Variants in MSL3 observed in about 807,000 individuals in gnomAD.
MSL3 encodes the protein MSL complex subunit 3, also known as MSL3-like 1.
A neutral mutation model predicts 37.2 loss-of-function variants in MSL3; 5 were observed. That is an observed-to-expected ratio of 0.13 (90% CI 0.07 to 0.28). The LOEUF is 0.28. MSL3 is among the 10% of genes least tolerant of loss of function. MSL3 has a pLI of 1.00. For missense variants in MSL3, 315 were observed against 408.5 expected, an observed-to-expected ratio of 0.77 and a Z score of 1.97; for synonymous variants, 149 against 147.6, an observed-to-expected ratio of 1.01 and a Z score of -0.07.
At chrX:11,765,895 G>T (rs2053178208) in intron 9 of MSL3, 166 bp downstream of exon 9, 2 of 1,110,799 alleles carry the variant, frequency 1.8e-6, no homozygotes, top group African/African-American at 3.7e-5. Context: ...GTAGAAAGTT[G>T]AAACACCTGG....
intron 7 of MSL3, among the ~76,000 whole-genome samples, chrX:11,763,247 T>A (rs2053148932): frequency 8.8e-6 from 1 of 113,115 alleles, no homozygotes; most frequent in Admixed American, 9.3e-5. Context: ...ACTGAGACAG[T>A]TTTTTCAGTG....
chrX:11,775,048 A>G lies in MSL3; in HGVS notation c.1535A>G (p.Tyr512Cys), dbSNP rs1454268338. 2.5e-6 allele frequency: 3 copies of G among 1,208,144 alleles called. No homozygotes were observed. The highest frequency in any genetic ancestry group is 3.4e-6 in the Non-Finnish European group (3 of 892,567). ...SAYVAACEAH[Y>C]STKNPRAIY ...TATGTCGCTGCCTGTGAGGCACATT[A>G]CAGCACCAAGAACCCCCGGGCAATT... The change falls in exon 13 of 13, where the codon TAC becomes TGC. Residue 512 changes from tyrosine to cysteine, a missense_variant. Tyr to Cys is a radical substitution (Grantham distance 194). Transcript: ENST00000312196.
intron 3 of MSL3, 33 bp from the exon 4 acceptor site, chrX:11,760,804 A>T (rs778282766): frequency 9.0e-7 from 1 of 1,111,839 alleles, no homozygotes; most frequent in Non-Finnish European, 1.2e-6. Context: ...TCAATGTCAA[A>T]ACTTATTTCA....
chrX:11,759,211 C>T (rs761822344), intron 1 of MSL3, among the ~76,000 whole-genome samples: 1 of 112,381 alleles, frequency 8.9e-6, no homozygotes, highest in Non-Finnish European at 1.9e-5. Flanking sequence ...GTCTGGACAG[C>T]TCTGTCCATT....
At chrX:11,760,303 T>A in intron 2 of MSL3, 100 bp from the exon 3 acceptor site, 1 of 549,272 alleles carries the variant, frequency 1.8e-6, no homozygotes, top group Non-Finnish European at 2.9e-6. Context: ...AATCGTTTTC[T>A]AAAAATGTAA....
chrX:11,767,220 G>A, intron 9 of MSL3: 1 of 754,659 alleles, frequency 1.3e-6, no homozygotes, highest in Non-Finnish European at 1.6e-6. Flanking sequence ...GCTCAGAAGG[G>A]CAGAGTTGAA....
At chrX:11,765,999 A>G (rs2053179402) in intron 9 of MSL3, 1 of 1,005,111 alleles carries the variant, frequency 9.9e-7, no homozygotes, top group East Asian at 3.5e-5. Context: ...GAGCAAATTG[A>G]GTTATCAGAA....
chrX:11,767,317 T>C (rs962647051), intron 9 of MSL3: 1 of 712,433 alleles, frequency 1.4e-6, no homozygotes, highest in Non-Finnish European at 1.7e-6. Context: ...GATTGAGATA[T>C]AATCCACATA....
chrX:11,760,632 G>A (rs956092648), intron 3 of MSL3, 134 bp downstream of exon 3: 3 of 500,512 alleles, frequency 6.0e-6, no homozygotes, highest in African/African-American at 5.2e-5. Context: ...AAGTGTGTAA[G>A]GGGAAGAGTG....
At position 11,759,536 on chromosome X, in the gene MSL3, G is replaced by A. The variant is rs978875291; in HGVS notation, c.103-257G>A. Reference sequence around the variant, plus strand: ...TGGAGTCTCTCCTTAGTGACAAATCGGCTGGCCAATGGCTTCAGAAGCCTC... The same window carrying A: ...TGGAGTCTCTCCTTAGTGACAAATCAGCTGGCCAATGGCTTCAGAAGCCTC... On this transcript the variant is annotated intron_variant, in intron 1 of 12. Coordinates refer to ENST00000312196, the MANE Select transcript of MSL3 (RefSeq NM_078629.4). The A allele has an allele frequency of 6.6e-6, 6 of 912,198 alleles. No homozygotes were observed. In the African/African-American group the frequency reaches 8.1e-5, roughly 12 times the overall value. 75.2% of individuals were successfully genotyped at this position (912,198 alleles called of 1,213,427 possible). A position where few individuals can be genotyped will look rare whatever the true frequency, so the allele number is the denominator to read the frequency against.
chrX:11,760,016 G>A, intron 2 of MSL3, 141 bp downstream of exon 2: 3 of 688,696 alleles, frequency 4.4e-6, no homozygotes, highest in Non-Finnish European at 6.3e-6. Flanking sequence ...ACTTCTTTAA[G>A]TTTTTGAAAC....
chrX:11,759,963 A>G, intron 2 of MSL3, 88 bp downstream of exon 2: 1 of 1,050,861 alleles, frequency 9.5e-7, no homozygotes, highest in East Asian at 3.1e-5. Context: ...ACACTTGTAG[A>G]GAAGTTTGTT....
rs1439770241 is a variant in MSL3, at chrX:11,763,878, A to C, written c.848A>C (p.Lys283Thr). The C allele has an allele frequency of 1.5e-5, 18 of 1,209,714 alleles. No individual in the cohort carries two copies. The highest frequency in any genetic ancestry group is 2.0e-5 in the Non-Finnish European group (18 of 893,934). ...LLYPYEQAQY[K>T]KVTSSKFFLP... ...TATCCATATGAACAAGCTCAGTATA[A>C]AAAGGTGACTTCGTCTAAATTTTTT... Residue 283 changes from lysine (K) to threonine (T), a missense_variant, in exon 8 of 13, where the codon AAA becomes ACA. By Grantham distance (78) the Lys-to-Thr change is moderately conservative. Transcript: ENST00000312196.
At chrX:11,758,520 T>C in intron 1 of MSL3, 155 bp downstream of exon 1, 2 of 1,046,460 alleles carry the variant, frequency 1.9e-6, no homozygotes, top group Non-Finnish European at 2.5e-6. Context: ...CACAGGGCGC[T>C]ACGCCCGGGA....
chrX:11,758,891 G>A, intron 1 of MSL3: 2 of 733,603 alleles, frequency 2.7e-6, no homozygotes, highest in South Asian at 2.7e-5. Context: ...CCGAGGGCAA[G>A]GTTGGCCCAG....
intron 9 of MSL3, chrX:11,766,994 T>C: frequency 1.3e-6 from 1 of 754,875 alleles, no homozygotes; most frequent in Non-Finnish European, 1.6e-6. Context: ...TCAGGGGTCC[T>C]TCTAAGCATC....
intron 9 of MSL3, 31 bp from the exon 10 acceptor site, chrX:11,768,542 G>T (rs1296064120): frequency 2.1e-6 from 2 of 970,154 alleles, no homozygotes; most frequent in Admixed American, 4.5e-5. Context: ...TTCAGTTGCT[G>T]TGTGAATAAT....
intron 8 of MSL3, among the ~76,000 whole-genome samples, chrX:11,764,837 TTC>T (rs1036150202): frequency 9.0e-6 from 1 of 111,714 alleles, no homozygotes. Context: ...CTTTGGTAGC[TTC>T]TCTCTCTCCT....
rs146175258 is a variant in MSL3, at chrX:11,774,596, G to A, written c.1467-384G>A. Reference sequence around the variant, plus strand: ...GCCTCCCAAAGTGCTGGGATTACAGGCGTGAACCACAGTGCCCAGCCTATA... The same window carrying A: ...GCCTCCCAAAGTGCTGGGATTACAGACGTGAACCACAGTGCCCAGCCTATA... On this transcript the variant is annotated intron_variant, in intron 12 of 12. Coordinates refer to ENST00000312196, the MANE Select transcript of MSL3 (RefSeq NM_078629.4). Among the ~76,000 whole-genome samples, 238 of 112,289 alleles carry A rather than the reference G, an allele frequency of 2.1e-3. 6 individuals are homozygous for A. The East Asian group carries it at 0.051, about 24-fold the overall frequency.
Sources: allele counts gnomAD v4.1 joint callset (sites outside exome capture counted in the v4.1 genomes callset), GRCh38; gene constraint gnomAD v4.1.1; transcripts MANE v1.5; gene names NCBI Gene and HGNC (gene_info 2026-07-23, HGNC 2026-07-21).